The following TTC17 variants were observed in gnomAD, a reference collection of about 807,000 sequenced individuals.
TTC17 encodes tetratricopeptide repeat domain 17.
Under a neutral mutation model 143.8 loss-of-function variants are expected in TTC17, and 58 were observed. That is an observed-to-expected ratio of 0.40 (90% CI 0.33 to 0.50). The LOEUF is 0.50. TTC17 is among the 20% of genes least tolerant of loss of function. The probability of loss-of-function intolerance (pLI) is 0.49; values close to 1 mark genes in which losing one functional copy is unlikely to be tolerated. For missense variants in TTC17, 1,273 were observed against 1,392.5 expected (o/e 0.91, Z 1.37); for synonymous variants, 501 against 497.8 (o/e 1.01, Z -0.09).
At chr11:43,460,022 A>T (rs1370305913) in intron 21 of TTC17, among the ~76,000 whole-genome samples, 3 of 152,192 alleles carry the variant, frequency 2.0e-5, no homozygotes, top group African/African-American at 7.2e-5. Context: ...GTCAGGGAGC[A>T]TCTGTAGTAG....
intron 16 of TTC17, among the ~76,000 whole-genome samples, chr11:43,419,046 A>G (rs1455655761): frequency 6.6e-6 from 1 of 152,214 alleles, no homozygotes; most frequent in African/African-American, 2.4e-5. Flanking sequence ...TTAGAATTTT[A>G]TGCCACAAAC....
At chr11:43,367,924 A>G (rs949048364) in intron 1 of TTC17, among the ~76,000 whole-genome samples, 5 of 152,190 alleles carry the variant, frequency 3.3e-5, no homozygotes, top group Non-Finnish European at 7.3e-5. Flanking sequence ...ATTTGTCTTC[A>G]TATCTTACTC....
intron 1 of TTC17, among the ~76,000 whole-genome samples, chr11:43,376,012 A>G (rs1459301419): frequency 2.6e-5 from 4 of 152,186 alleles, no homozygotes; most frequent in African/African-American, 7.2e-5. Flanking sequence ...TGATAGGAGT[A>G]AAATATTTAC....
intron 21 of TTC17, among the ~76,000 whole-genome samples, chr11:43,467,083 A>G (rs1225196995): frequency 6.6e-6 from 1 of 151,766 alleles, no homozygotes; most frequent in Non-Finnish European, 1.5e-5. Flanking sequence ...AACAAAAAAA[A>G]ATGATGCAGC....
chr11:43,435,106 G>C (rs534057006), intron 16 of TTC17: 12 of 152,110 alleles, frequency 7.9e-5, no homozygotes, highest in African/African-American at 2.9e-4. Context: ...TAGATAGATA[G>C]ATAGATAGAT....
chr11:43,397,918 G>GTT, intron 7 of TTC17, 56 bp from the exon 8 acceptor site: 12 of 957,318 alleles, frequency 1.3e-5, no homozygotes, highest in Non-Finnish European at 1.7e-5. Context: ...GTGTGTGTGT[G>GTT]TGTGTGTGTG....
Position 43,448,115 on chromosome 11 carries a change from A to T in TTC17, c.2779A>T (p.Asn927Tyr). ...VSTWLAVSSK[N>Y]IDITEHIDFA... is the part of the protein sequence containing the mutation. ...TACCTGGCTTGCAGTTTCTTCAAAA[A>T]ACATTGAGTAAGTATGTTAAGCCTC... The change falls in exon 19 of 24, where the codon AAC becomes TAC. Residue 927 changes from asparagine to tyrosine, a missense_variant. Transcript: ENST00000039989. 1 of 1,614,068 alleles carries T rather than the reference A, an allele frequency of 6.2e-7. No individual in the cohort carries two copies. The highest frequency in any genetic ancestry group is 1.3e-5 in the African/African-American group (1 of 75,044).
chr11:43,373,324 CTT>C (rs1358080544), intron 1 of TTC17, among the ~76,000 whole-genome samples: 29 of 134,720 alleles, frequency 2.2e-4, no homozygotes, highest in Admixed American at 3.0e-4. Flanking sequence ...TTAAAAGAAG[CTT>C]TTTTTTTTTT....
At chr11:43,412,826 A>G (rs1231593705) in intron 15 of TTC17, among the ~76,000 whole-genome samples, 1 of 152,226 alleles carries the variant, frequency 6.6e-6, no homozygotes, top group Non-Finnish European at 1.5e-5. Context: ...CATCATGTTC[A>G]CACATTGAGA....
chr11:43,471,841 A>G (rs369296519), intron 21 of TTC17, among the ~76,000 whole-genome samples: 2 of 152,212 alleles, frequency 1.3e-5, no homozygotes, highest in Non-Finnish European at 2.9e-5. Context: ...CATTTGATCA[A>G]TTTTTAAAAA....
At chr11:43,370,250 A>G (rs1856512004) in intron 1 of TTC17, 2 of 331,692 alleles carry the variant, frequency 6.0e-6, no homozygotes, top group Non-Finnish European at 1.2e-5. Context: ...TGCCTGCGTC[A>G]TTCCATCCCT....
chr11:43,459,904 C>T (rs1947832705), intron 21 of TTC17, among the ~76,000 whole-genome samples: 1 of 152,196 alleles, frequency 6.6e-6, no homozygotes, highest in African/African-American at 2.4e-5. Flanking sequence ...GTTCTGAGCA[C>T]ATTTAAGCAA....
chr11:43,363,043 A>C (rs1297376642), intron 1 of TTC17, among the ~76,000 whole-genome samples: 1 of 152,180 alleles, frequency 6.6e-6, no homozygotes, highest in African/African-American at 2.4e-5. Flanking sequence ...CCTGAAACCT[A>C]GTAAGCCCAT....
chr11:43,388,873 G>A (rs1009378904), intron 2 of TTC17, among the ~76,000 whole-genome samples: 1 of 151,894 alleles, frequency 6.6e-6, no homozygotes, highest in African/African-American at 2.4e-5. Context: ...CTATTTAGGG[G>A]GCTGAGGCAG....
chr11:43,414,657 C>A lies in TTC17; in HGVS notation c.2132C>A (p.Ala711Asp), dbSNP rs1267309404. ...ALKNISGALE[A>D]FRQALKLTTK... ...AAGAATATCAGTGGGGCACTTGAGG[C>A]CTTTAGACAGGCCTTGAAATTAACC... is the stretch of plus-strand genomic sequence containing the variant. Residue 711 changes from alanine (A) to aspartate (D), a missense_variant, in exon 16 of 24, where the codon GCC becomes GAC. Ala to Asp is a moderately radical substitution (Grantham distance 126). Transcript: ENST00000039989. The A allele has an allele frequency of 3.1e-5, 50 of 1,613,552 alleles. No individual in the cohort carries two copies. Among genetic ancestry groups the A allele is most frequent in the Non-Finnish European group, 4.2e-5 (49 of 1,179,750 alleles).
At chr11:43,371,027 G>A (rs1011387495) in intron 1 of TTC17, among the ~76,000 whole-genome samples, 2 of 151,552 alleles carry the variant, frequency 1.3e-5, no homozygotes, top group East Asian at 1.9e-4. Context: ...GGGAGGTGGG[G>A]GGGGGGGTCT....
intron 16 of TTC17, among the ~76,000 whole-genome samples, chr11:43,419,080 A>G (rs914992095): frequency 6.6e-6 from 1 of 152,238 alleles, no homozygotes; most frequent in African/African-American, 2.4e-5. Context: ...TTTACAGCAT[A>G]TAATTAAGCA....
intron 20 of TTC17, among the ~76,000 whole-genome samples, chr11:43,450,910 A>G (rs1167674051): frequency 6.6e-6 from 1 of 152,248 alleles, no homozygotes; most frequent in Non-Finnish European, 1.5e-5. Context: ...TGACAAGATT[A>G]CACATAGTTT....
chr11:43,434,504 A>G (rs1947240844), intron 16 of TTC17, among the ~76,000 whole-genome samples: 1 of 152,152 alleles, frequency 6.6e-6, no homozygotes, highest in African/African-American at 2.4e-5. Context: ...ACTTTATTTC[A>G]CTGAGAATCG....
Sources: allele counts gnomAD v4.1 joint callset (sites outside exome capture counted in the v4.1 genomes callset), GRCh38; gene constraint gnomAD v4.1.1; transcripts MANE v1.5; gene names NCBI Gene and HGNC (gene_info 2026-07-23, HGNC 2026-07-21).